The following ITPR2 variants were observed in gnomAD, a reference collection of about 807,000 sequenced individuals.
The protein encoded by ITPR2 is inositol 1,4,5-trisphosphate-gated calcium channel ITPR2.
A neutral mutation model predicts 317.1 loss-of-function variants in ITPR2; 207 were observed. The ratio of observed to expected loss-of-function variants is 0.65; its 90% CI spans 0.58 to 0.73. The LOEUF (loss-of-function observed/expected upper bound fraction) is 0.73, where lower values mean the gene tolerates loss of function less well. ITPR2 is among the 30% of genes least tolerant of loss of function. The pLI is 0.00. For missense variants in ITPR2, 2,613 were observed against 3,284.0 expected, an observed-to-expected ratio of 0.80 and a Z score of 4.99; for synonymous variants, 1,156 against 1,149.1, an observed-to-expected ratio of 1.01 and a Z score of -0.12.
At chr12:26,416,950 C>T (rs1476870073) in intron 50 of ITPR2, among the ~76,000 whole-genome samples, 2 of 152,056 alleles carry the variant, frequency 1.3e-5, no homozygotes, top group Non-Finnish European at 2.9e-5. Flanking sequence ...AATGCATATG[C>T]CTGGGTTCCG....
chr12:26,682,479 T>C (rs1368406479), intron 12 of ITPR2, 95 bp downstream of exon 12: 10 of 742,310 alleles, frequency 1.3e-5, no homozygotes, highest in South Asian at 1.3e-4. Context: ...TTGGTGAAGA[T>C]GGAGTATAAG....
At chr12:26,747,510 C>T (rs990490202) in intron 2 of ITPR2, among the ~76,000 whole-genome samples, 4 of 152,172 alleles carry the variant, frequency 2.6e-5, no homozygotes, top group East Asian at 1.9e-4. Context: ...TCAACATCTT[C>T]GACGCCTCTT....
intron 50 of ITPR2, among the ~76,000 whole-genome samples, chr12:26,415,702 C>G (rs1940700533): frequency 6.6e-6 from 1 of 152,184 alleles, no homozygotes; most frequent in South Asian, 2.1e-4. Context: ...AAAGATACAT[C>G]TAGCACAACA....
chr12:26,416,560 T>C (rs1940727483), intron 50 of ITPR2, among the ~76,000 whole-genome samples: 1 of 152,206 alleles, frequency 6.6e-6, no homozygotes, highest in Non-Finnish European at 1.5e-5. Context: ...ATACAGTTAC[T>C]GTCCAATTTA....
chr12:26,605,479 T>C (rs1946111161), intron 26 of ITPR2, among the ~76,000 whole-genome samples: 2 of 152,186 alleles, frequency 1.3e-5, no homozygotes, highest in South Asian at 2.1e-4. Flanking sequence ...TTACCAGCTC[T>C]AAAGATTGAC....
At chr12:26,790,364 GTCTGTAAAAAGA>G in intron 1 of ITPR2, 137 bp from the exon 2 acceptor site, 3 of 649,560 alleles carry the variant, frequency 4.6e-6, no homozygotes, top group Non-Finnish European at 8.0e-6. Context: ...ACAATCATGG[GTCTGTAAAAAGA>G]TTTGGTTGTA....
intron 52 of ITPR2, 100 bp downstream of exon 52, chr12:26,411,220 C>G: frequency 1.3e-6 from 1 of 748,598 alleles, no homozygotes; most frequent in Non-Finnish European, 2.3e-6. Context: ...TTCAATCCAT[C>G]ATGAAATTTG....
intron 45 of ITPR2, among the ~76,000 whole-genome samples, chr12:26,445,538 AGGT>A (rs148527595): frequency 0.1 from 15,764 of 152,126 alleles, 1,968 homozygotes; most frequent in African/African-American, 0.3. Context: ...CCACGCAGCC[AGGT>A]GTCTTGCAGC....
At chr12:26,822,454 G>A (rs978865391) in intron 1 of ITPR2, among the ~76,000 whole-genome samples, 2 of 152,126 alleles carry the variant, frequency 1.3e-5, no homozygotes, top group Non-Finnish European at 2.9e-5. Context: ...ACTCGTGTAT[G>A]TGTGTGCTAT....
intron 36 of ITPR2, among the ~76,000 whole-genome samples, chr12:26,552,880 T>C (rs1317064909): frequency 6.6e-6 from 1 of 152,206 alleles, no homozygotes; most frequent in Non-Finnish European, 1.5e-5. Flanking sequence ...ATAAACCATA[T>C]TGAAAATATC....
At chr12:26,574,397 G>C (rs1026890662) in intron 34 of ITPR2, among the ~76,000 whole-genome samples, 4 of 152,152 alleles carry the variant, frequency 2.6e-5, no homozygotes. Flanking sequence ...TTGGTTCTCT[G>C]TTTCTATGAC....
intron 55 of ITPR2, among the ~76,000 whole-genome samples, chr12:26,374,601 T>C (rs1939285205): frequency 6.6e-6 from 1 of 152,228 alleles, no homozygotes; most frequent in Non-Finnish European, 1.5e-5. Context: ...ATGTGGGAGA[T>C]TAAACATTTG....
intron 37 of ITPR2, among the ~76,000 whole-genome samples, chr12:26,530,253 T>A (rs889433934): frequency 3.9e-5 from 6 of 152,174 alleles, no homozygotes; most frequent in African/African-American, 1.2e-4. Flanking sequence ...CTTAATGTGG[T>A]CAGAAAACCA....
intron 48 of ITPR2, among the ~76,000 whole-genome samples, chr12:26,433,297 T>C (rs1317867377): frequency 6.6e-6 from 1 of 152,176 alleles, no homozygotes; most frequent in East Asian, 1.9e-4. Flanking sequence ...TGTTAACTGC[T>C]ATCCAGTCCT....
chr12:26,432,901 AC>A (rs1022989575), intron 48 of ITPR2, among the ~76,000 whole-genome samples: 1 of 152,028 alleles, frequency 6.6e-6, no homozygotes, highest in Non-Finnish European at 1.5e-5. Context: ...AATCTCACCC[AC>A]CTCTAAATCA....
rs183288260 is a variant in ITPR2 at position 26,816,984 on chromosome 12, C to T, written c.92+15706G>A. On this transcript the variant is annotated intron_variant, in intron 1 of 56. Coordinates refer to ENST00000381340, the MANE Select transcript of ITPR2 (RefSeq NM_002223.4). ...CACGAGGTCAGGAGATCAAGACCAT[C>T]CTGGCTAACACGGTGAAACCCCATC... Among the ~76,000 whole-genome samples, 495 of 151,810 alleles carry T rather than the reference C, an allele frequency of 3.3e-3. 1 individual carries two copies. The highest frequency in any genetic ancestry group is 0.011 in the African/African-American group (468 of 41,380).
At chr12:26,622,472 T>C in intron 24 of ITPR2, 67 bp from the exon 25 acceptor site, 2 of 1,223,684 alleles carry the variant, frequency 1.6e-6, no homozygotes, top group Non-Finnish European at 2.3e-6. Context: ...AGTATTAGAA[T>C]TGTATACGTA....
At chr12:26,822,394 G>A (rs1950949630) in intron 1 of ITPR2, among the ~76,000 whole-genome samples, 2 of 152,248 alleles carry the variant, frequency 1.3e-5, no homozygotes, top group South Asian at 4.1e-4. Context: ...GGAAAAGAGA[G>A]CGTGATGGAC....
intron 10 of ITPR2, among the ~76,000 whole-genome samples, chr12:26,690,839 T>A (rs1948226590): frequency 6.6e-6 from 1 of 152,234 alleles, no homozygotes; most frequent in Non-Finnish European, 1.5e-5. Flanking sequence ...TCTGAATTAC[T>A]CATACTGTTT....
Sources: allele counts gnomAD v4.1 joint callset (sites outside exome capture counted in the v4.1 genomes callset), GRCh38; gene constraint gnomAD v4.1.1; transcripts MANE v1.5; gene names NCBI Gene and HGNC (gene_info 2026-07-23, HGNC 2026-07-21).